The following NPSR1 variants were observed in gnomAD, a reference collection of about 807,000 sequenced individuals.
NPSR1 encodes neuropeptide S receptor 1.
In NPSR1, 48 loss-of-function variants were observed where a neutral mutation model predicts 46.9. The observed-to-expected ratio is 1.02, with a 90% CI of 0.81 to 1.30. The LOEUF (loss-of-function observed/expected upper bound fraction) is 1.30. NPSR1 is among the 50% of genes most tolerant of loss of function. The pLI, the probability that NPSR1 is intolerant of heterozygous loss-of-function variation, is 0.00. For missense variants in NPSR1, 450 were observed against 449.5 expected (o/e 1.00, Z -0.01); for synonymous variants, 176 against 168.1 (o/e 1.05, Z -0.36).
intron 5 of NPSR1, 27 bp downstream of exon 5, chr7:34,827,629 ACGGGGGGGTGGGG>A: frequency 3.3e-6 from 1 of 304,082 alleles, no homozygotes; most frequent in Non-Finnish European, 6.0e-6. Context: ...ACAGGACCAC[ACGGGGGGGTGGGG>A]CGGGGGGGGC....
At chr7:34,870,499 T>C (rs549399613) in intron 8 of NPSR1, among the ~76,000 whole-genome samples, 12 of 151,876 alleles carry the variant, frequency 7.9e-5, no homozygotes, top group African/African-American at 2.2e-4. Context: ...ATATGTAACA[T>C]TGAGATTTCC....
downstream of NPSR1, chr7:34,850,075 C>A: frequency 1.2e-6 from 1 of 829,154 alleles, no homozygotes; most frequent in Non-Finnish European, 1.5e-6. Context: ...TATTTTTCCC[C>A]CAGTTTTGGA....
intron 7 of NPSR1, among the ~76,000 whole-genome samples, chr7:34,847,741 A>G (rs555103826): frequency 6.6e-6 from 1 of 152,326 alleles, no homozygotes; most frequent in East Asian, 1.9e-4. Flanking sequence ...TTACTCTACC[A>G]GATCAAATGT....
chr7:34,731,456 A>T (rs1784413502), intron 2 of NPSR1, among the ~76,000 whole-genome samples: 1 of 152,208 alleles, frequency 6.6e-6, no homozygotes, highest in Non-Finnish European at 1.5e-5. Flanking sequence ...TTTTTATTAA[A>T]TAAACCTAAA....
chr7:34,741,693 G>A (rs1424639341), intron 2 of NPSR1, among the ~76,000 whole-genome samples: 1 of 152,182 alleles, frequency 6.6e-6, no homozygotes. Flanking sequence ...GGAGCTGCCA[G>A]ACAGTCAAAA....
At chr7:34,792,689 G>GTATATATATACGTATATATATATATT (rs1787968181) in intron 3 of NPSR1, among the ~76,000 whole-genome samples, 1 of 74,338 alleles carries the variant, frequency 1.3e-5, no homozygotes, top group Non-Finnish European at 2.7e-5. Flanking sequence ...ATATATATAT[G>GTATATATATACGTATATATATATATT]TATATATATA....
intron 2 of NPSR1, among the ~76,000 whole-genome samples, chr7:34,765,180 A>G (rs1004025256): frequency 2.0e-5 from 3 of 152,192 alleles, no homozygotes. Context: ...AAGTGTGCCC[A>G]TTTCCATGCA....
chr7:34,873,278 T>G (rs536320321), intron 8 of NPSR1, among the ~76,000 whole-genome samples: 1 of 151,934 alleles, frequency 6.6e-6, no homozygotes, highest in East Asian at 1.9e-4. Context: ...AACCTCCAAA[T>G]TCTTCCAATC....
intron 1 of NPSR1, among the ~76,000 whole-genome samples, chr7:34,664,678 C>A (rs888912070): frequency 1.3e-4 from 20 of 151,886 alleles, no homozygotes; most frequent in South Asian, 6.2e-4. Flanking sequence ...GGAAAATTTC[C>A]ATTTCTTACT....
intron 3 of NPSR1, 104 bp from the exon 4 acceptor site, chr7:34,811,666 G>C (rs1788992135): frequency 1.4e-6 from 1 of 717,624 alleles, no homozygotes; most frequent in Non-Finnish European, 2.3e-6. Flanking sequence ...CCCTTCTTTG[G>C]TTCACCTCTC....
intron 4 of NPSR1, among the ~76,000 whole-genome samples, chr7:34,825,009 C>T (rs913105197): frequency 1.3e-5 from 2 of 152,178 alleles, no homozygotes; most frequent in African/African-American, 2.4e-5. Flanking sequence ...CCTATGCCAT[C>T]AAACTCCTAA....
intron 4 of NPSR1, among the ~76,000 whole-genome samples, chr7:34,819,952 A>G (rs75715328): frequency 6.6e-6 from 1 of 152,236 alleles, no homozygotes; most frequent in African/African-American, 2.4e-5. Flanking sequence ...GGATAGCGTT[A>G]GCAGAAATAG....
chr7:34,673,439 G>A (rs1024938319), intron 1 of NPSR1, among the ~76,000 whole-genome samples: 5 of 152,156 alleles, frequency 3.3e-5, no homozygotes, highest in African/African-American at 1.2e-4. Context: ...CAACATGTAA[G>A]CCAAGGCTCT....
intron 2 of NPSR1, among the ~76,000 whole-genome samples, chr7:34,757,312 A>C (rs552068527): frequency 6.6e-6 from 1 of 152,286 alleles, no homozygotes; most frequent in Admixed American, 6.5e-5. Context: ...AGTAGCAAAA[A>C]CAGCAATTAC....
chr7:34,774,852 A>C (rs1786872856), intron 2 of NPSR1, among the ~76,000 whole-genome samples: 1 of 152,204 alleles, frequency 6.6e-6, no homozygotes, highest in South Asian at 2.1e-4. Context: ...ATATGGGACC[A>C]AAAATATTCC....
intron 4 of NPSR1, among the ~76,000 whole-genome samples, chr7:34,820,029 C>A (rs145292659): frequency 2.0e-5 from 3 of 152,216 alleles, no homozygotes; most frequent in East Asian, 1.9e-4. Flanking sequence ...ATGTATCCAA[C>A]CTGCACATTG....
At chr7:34,790,686 T>C (rs1162845721) in intron 3 of NPSR1, among the ~76,000 whole-genome samples, 1 of 140,314 alleles carries the variant, frequency 7.1e-6, no homozygotes, top group East Asian at 2.0e-4. Context: ...TGTTCTATGT[T>C]ATATATAATA....
intron 2 of NPSR1, among the ~76,000 whole-genome samples, chr7:34,689,926 C>T (rs1159510321): frequency 6.8e-6 from 1 of 146,382 alleles, no homozygotes; most frequent in Admixed American, 6.8e-5. Context: ...ATCTGGGTAA[C>T]AAAGTGGGAC....
intron 2 of NPSR1, among the ~76,000 whole-genome samples, chr7:34,728,317 C>G (rs963606071): frequency 6.6e-6 from 1 of 152,156 alleles, no homozygotes; most frequent in African/African-American, 2.4e-5. Flanking sequence ...AACAGGGTAT[C>G]AGAACATCCT....
Sources: gnomAD v4.1 joint callset for allele counts (sites outside exome capture counted in the v4.1 genomes callset) on GRCh38, gnomAD v4.1.1 for gene constraint, MANE v1.5 for transcripts, NCBI Gene and HGNC (gene_info 2026-07-23, HGNC 2026-07-21) for gene names.